MTMR12: variants seen among roughly 807,000 people sequenced by gnomAD.
MTMR12 encodes myotubularin related protein 12.
A neutral mutation model predicts 96.7 loss-of-function variants in MTMR12; 33 were observed. The ratio of observed to expected loss-of-function variants is 0.34; its 90% CI spans 0.26 to 0.46. The LOEUF is 0.46. Ranked by LOEUF, MTMR12 falls within the 20% of genes least tolerant of loss-of-function variation. The probability of loss-of-function intolerance (pLI) is 1.00; values close to 1 mark genes in which losing one functional copy is unlikely to be tolerated. For missense variants in MTMR12, 721 were observed against 896.1 expected, an observed-to-expected ratio of 0.80 and a Z score of 2.49; for synonymous variants, 298 against 327.2, an observed-to-expected ratio of 0.91 and a Z score of 0.96.
At chr5:32,238,969 T>G (rs751366885) in intron 13 of MTMR12, 32 bp downstream of exon 13, 2 of 1,533,588 alleles carry the variant, frequency 1.3e-6, no homozygotes, top group Admixed American at 3.8e-5. Flanking sequence ...GTTCTCCCTA[T>G]GACGGAAACA....
Position 32,303,010 on chromosome 5 carries a change from A to G in MTMR12, c.81+9748T>C, listed in dbSNP as rs183012279. Among the ~76,000 whole-genome samples the G allele has an allele frequency of 3.8e-3, 579 of 152,274 alleles. 1 individual carries two copies. Among genetic ancestry groups the G allele is most frequent in the Non-Finnish European group, 6.7e-3 (455 of 68,028 alleles). ...AACAAAATACTCCCCTTTTATTAAT[A>G]CCTTAGCTGGGAAAGATTTATGCAC... On this transcript the variant is annotated intron_variant, in intron 1 of 15. Transcript: ENST00000382142.
At chr5:32,281,064 AT>A (rs1750272542) in intron 1 of MTMR12, among the ~76,000 whole-genome samples, 1 of 151,842 alleles carries the variant, frequency 6.6e-6, no homozygotes, top group Non-Finnish European at 1.5e-5. Flanking sequence ...CCTGGCCAAC[AT>A]GGTAAAACCA....
rs370492315 is a variant in MTMR12, at chr5:32,241,275, C to T, written c.1171+782G>A. Among the ~76,000 whole-genome samples the T allele has an allele frequency of 4.8e-4, 73 of 152,254 alleles. No homozygotes were observed. The East Asian group carries it at 9.3e-3, about 19-fold the overall frequency. On this transcript the variant is annotated intron_variant, in intron 12 of 15. Coordinates refer to ENST00000382142, the MANE Select transcript of MTMR12 (RefSeq NM_001040446.3). ...AAACTTCTTGAAGGCGGAACAGAGC[C>T]CTGCACATGGCAGAGGCTCAATAAA...
Position 32,233,665 on chromosome 5 carries a change from G to A in MTMR12, c.1674+108C>T, listed in dbSNP as rs1748094201. ...ATCACAAGTCTCAACTCTGCAGACTGCTTCGAGGGGTAGAAAATGCTGGCA... is the reference window on the plus strand; with the variant it reads ...ATCACAAGTCTCAACTCTGCAGACTACTTCGAGGGGTAGAAAATGCTGGCA... On this transcript the variant is annotated intron_variant, in intron 15 of 15. Coordinates refer to ENST00000382142, the MANE Select transcript of MTMR12 (RefSeq NM_001040446.3). This position sits in a 1 kb window ranked among gnomAD's most constrained non-coding sequence, Gnocchi z 5.0. The A allele has an allele frequency of 6.8e-7, 1 of 1,468,350 alleles. No homozygotes were observed. The highest frequency in any genetic ancestry group is 1.7e-5 in the Admixed American group (1 of 57,360). The allele number at this position is 1,468,350 out of a possible 1,614,324, so 91.0% of individuals were successfully genotyped here. A position where few individuals can be genotyped will look rare whatever the true frequency, so the allele number is the denominator to read the frequency against.
At chr5:32,255,036 A>C (rs1749084287) in intron 8 of MTMR12, among the ~76,000 whole-genome samples, 1 of 151,820 alleles carries the variant, frequency 6.6e-6, no homozygotes, top group East Asian at 1.9e-4. Context: ...ACCTGCTTGG[A>C]CTCCATGGGC....
At chr5:32,273,452 A>G (rs753106732) in intron 3 of MTMR12, among the ~76,000 whole-genome samples, 6 of 152,222 alleles carry the variant, frequency 3.9e-5, no homozygotes, top group Non-Finnish European at 7.3e-5. Flanking sequence ...CATCGGTTTC[A>G]TTACTGAACT....
Position 32,270,942 on chromosome 5 carries a change from C to G in MTMR12, c.364G>C (p.Asp122His), listed in dbSNP as rs1427563630. Residue 122 changes from aspartate to histidine, a missense_variant, in exon 5 of 16, where the codon GAT (aspartate) becomes CAT (histidine). By Grantham distance (81) the Asp-to-His change is moderately conservative. Coordinates refer to ENST00000382142, the MANE Select transcript of MTMR12 (RefSeq NM_001040446.3). The stretch of plus-strand genomic sequence containing the variant: ...CCAAAGAGAGTTTTCTTTTTCTCAT[C>G]AAACACTACAGATCAGCAATGAAAT... ...HCVDQIYGVF[D>H]EKKKTLFGQL... 6.8e-6 allele frequency: 11 copies of G among 1,612,254 alleles called. No individual in the cohort carries two copies. Among genetic ancestry groups the G allele is most frequent in the Non-Finnish European group, 9.3e-6 (11 of 1,179,436 alleles).
At chr5:32,277,045 C>G in intron 1 of MTMR12, among the ~76,000 whole-genome samples, 1 of 151,712 alleles carries the variant, frequency 6.6e-6, no homozygotes, top group Non-Finnish European at 1.5e-5. Flanking sequence ...GCCACCACGC[C>G]CAGCTAATTG....
rs1751630459 is a variant in MTMR12 at position 32,312,359 on chromosome 5, GT to G, written c.81+398del. Reference sequence around the variant, plus strand: ...GCGGGCTTCTGGGCTCACTGAGAAAGTCCAGAGGCAGGACGGACCCACGCGG... The same window carrying G: ...GCGGGCTTCTGGGCTCACTGAGAAAGCCAGAGGCAGGACGGACCCACGCGG... On this transcript the variant is annotated intron_variant, in intron 1 of 15. Coordinates refer to ENST00000382142, the MANE Select transcript of MTMR12 (RefSeq NM_001040446.3). The surrounding 1 kb of genome is among the most constrained non-coding windows in gnomAD (Gnocchi z 5.0). Among the ~76,000 whole-genome samples, 1 of 152,228 alleles carries G rather than the reference GT, an allele frequency of 6.6e-6. No homozygotes were observed. Among genetic ancestry groups the G allele is most frequent in the Admixed American group, 6.5e-5 (1 of 15,282 alleles).
At chr5:32,232,796 C>T (rs1347027038) in intron 15 of MTMR12, among the ~76,000 whole-genome samples, 1 of 152,390 alleles carries the variant, frequency 6.6e-6, no homozygotes, top group Non-Finnish European at 1.5e-5. Flanking sequence ...AGTCGTTCAG[C>T]AGCCAACATC....
In MTMR12 at chr5:32,229,871, C is replaced by T; in HGVS notation, c.2151G>A (p.Lys717=). The T allele has an allele frequency of 6.2e-7, 1 of 1,611,422 alleles. No individual in the cohort carries two copies. Among genetic ancestry groups the T allele is most frequent in the Non-Finnish European group, 8.5e-7 (1 of 1,178,626 alleles). Residue 717 remains lysine, a synonymous_variant, in exon 16 of 16, where the codon AAG becomes AAA. Coordinates refer to ENST00000382142, the MANE Select transcript of MTMR12 (RefSeq NM_001040446.3). ...PFALLQRHSS[K]PVLPTSGWKA... ...TCCAGCCACTGGTGGGTAAGACGGG[C>T]TTAGAGGAATGTCGCTGGAGCAGAG...
At chr5:32,305,605 A>C (rs1751321758) in intron 1 of MTMR12, among the ~76,000 whole-genome samples, 1 of 152,178 alleles carries the variant, frequency 6.6e-6, no homozygotes, top group Admixed American at 6.5e-5. Flanking sequence ...TACCTAGAAC[A>C]ATATCTGGGA....
chr5:32,289,889 C>A (rs1488211601), intron 1 of MTMR12, among the ~76,000 whole-genome samples: 1 of 152,182 alleles, frequency 6.6e-6, no homozygotes, highest in Non-Finnish European at 1.5e-5. Context: ...GGAGGGACTG[C>A]AGAGATTAAT....
intron 15 of MTMR12, among the ~76,000 whole-genome samples, chr5:32,231,340 T>C (rs184950793): frequency 5.5e-4 from 80 of 146,472 alleles, no homozygotes; most frequent in African/African-American, 1.9e-3. Flanking sequence ...GATCACGCCG[T>C]TGCACTCCAG....
At chr5:32,247,045 T>C (rs1455175141) in intron 10 of MTMR12, among the ~76,000 whole-genome samples, 1 of 152,156 alleles carries the variant, frequency 6.6e-6, no homozygotes, top group Non-Finnish European at 1.5e-5. Context: ...AGTTAAGAAT[T>C]TGCTAGGCTA....
At chr5:32,230,433 C>G in intron 15 of MTMR12, 86 bp from the exon 16 acceptor site, 1 of 1,286,826 alleles carries the variant, frequency 7.8e-7, no homozygotes, top group Non-Finnish European at 1.1e-6. Context: ...GAGCATAACC[C>G]TGCTTTAACA....
intron 1 of MTMR12, among the ~76,000 whole-genome samples, chr5:32,311,817 C>T (rs922811888): frequency 1.3e-5 from 2 of 152,224 alleles, no homozygotes; most frequent in African/African-American, 4.8e-5. Context: ...GCTGTTCCCT[C>T]TACCTGGACG....
chr5:32,309,121 A>C (rs1203209893), intron 1 of MTMR12, among the ~76,000 whole-genome samples: 4 of 152,198 alleles, frequency 2.6e-5, no homozygotes, highest in African/African-American at 9.7e-5. Flanking sequence ...TTATCCCTCA[A>C]AGGAAATACA....
At chr5:32,299,720 G>A (rs992424560) in intron 1 of MTMR12, among the ~76,000 whole-genome samples, 2 of 152,184 alleles carry the variant, frequency 1.3e-5, no homozygotes, top group African/African-American at 4.8e-5. Flanking sequence ...GAATCTTGGA[G>A]ATACTCCTGC....
Sources: gnomAD v4.1 joint callset for allele counts (sites outside exome capture counted in the v4.1 genomes callset) on GRCh38, gnomAD v4.1.1 for gene constraint, Gnocchi (gnomAD v3.1) non-coding constraint, MANE v1.5 for transcripts, NCBI Gene and HGNC (gene_info 2026-07-23, HGNC 2026-07-21) for gene names.